The following TENM2 variants were observed in gnomAD, a reference collection of about 807,000 sequenced individuals.
The protein encoded by TENM2 is teneurin transmembrane protein 2.
TENM2 carries 52 observed loss-of-function variants against 245.2 expected under a neutral mutation model. That is an observed-to-expected ratio of 0.21 (90% CI 0.17 to 0.27). TENM2 has a LOEUF of 0.27. TENM2 is among the 10% of genes least tolerant of loss of function. The probability of loss-of-function intolerance (pLI) is 1.00; values close to 1 mark genes in which losing one functional copy is unlikely to be tolerated. For missense variants in TENM2, 3,046 were observed against 3,666.8 expected, an observed-to-expected ratio of 0.83 and a Z score of 4.37; for synonymous variants, 1,363 against 1,438.9, an observed-to-expected ratio of 0.95 and a Z score of 1.19.
intron 26 of TENM2, among the ~76,000 whole-genome samples, chr5:168,245,767 A>G (rs1206514628): frequency 2.0e-5 from 3 of 152,050 alleles, no homozygotes; most frequent in Admixed American, 6.5e-5. Flanking sequence ...CCCCTCTGCA[A>G]GACAGAACTG....
chr5:168,015,620 G>A (rs568342590), intron 5 of TENM2, among the ~76,000 whole-genome samples: 16 of 152,324 alleles, frequency 1.1e-4, no homozygotes, highest in African/African-American at 2.2e-4. Flanking sequence ...CTCAAATGGC[G>A]TCTCCCCAGT....
intron 2 of TENM2, among the ~76,000 whole-genome samples, chr5:167,396,706 G>A (rs1762074089): frequency 6.6e-6 from 1 of 152,194 alleles, no homozygotes; most frequent in South Asian, 2.1e-4. Context: ...GGAAAGTAGT[G>A]TCCTTAGGAA....
chr5:167,801,112 ATATATATATATATATATATATATATAT>A (rs1765720414), intron 2 of TENM2, among the ~76,000 whole-genome samples: 4 of 51,030 alleles, frequency 7.8e-5, no homozygotes, highest in Non-Finnish European at 9.9e-5. Flanking sequence ...AAAAAAAAAT[ATATATATATATATATATATATATATAT>A]ATATATATAT....
chr5:167,015,050 T>G, the TENM2 span, among the ~76,000 whole-genome samples: 1 of 152,358 alleles, frequency 6.6e-6, no homozygotes, highest in South Asian at 2.1e-4. Flanking sequence ...GGGTGCAGTT[T>G]ACTGTTTATA....
intron 2 of TENM2, among the ~76,000 whole-genome samples, chr5:167,418,173 T>C (rs1323725890): frequency 6.6e-6 from 1 of 151,864 alleles, no homozygotes; most frequent in Admixed American, 6.6e-5. Flanking sequence ...CTAATAAAAA[T>C]ACAAAATTAG....
At chr5:167,574,681 A>T (rs139824996) in intron 2 of TENM2, among the ~76,000 whole-genome samples, 1 of 152,190 alleles carries the variant, frequency 6.6e-6, no homozygotes, top group Admixed American at 6.5e-5. Context: ...GAATTATGAC[A>T]GTTTGAAATG....
intron 2 of TENM2, among the ~76,000 whole-genome samples, chr5:167,843,154 G>C (rs1769706725): frequency 6.6e-6 from 1 of 152,154 alleles, no homozygotes; most frequent in African/African-American, 2.4e-5. Flanking sequence ...TTTAATGGAA[G>C]AGTGACTGCA....
At chr5:168,158,190 G>GT (rs1439439658) in intron 12 of TENM2, among the ~76,000 whole-genome samples, 1 of 151,980 alleles carries the variant, frequency 6.6e-6, no homozygotes, top group Non-Finnish European at 1.5e-5. Context: ...CCCAAAGTGG[G>GT]TTTTTTTAAA....
intron 2 of TENM2, among the ~76,000 whole-genome samples, chr5:167,771,601 G>C (rs959482415): frequency 9.9e-5 from 15 of 151,848 alleles, no homozygotes; most frequent in Non-Finnish European, 1.8e-4. Context: ...CTAAAATTTT[G>C]TTGGGCAGTT....
intron 2 of TENM2, among the ~76,000 whole-genome samples, chr5:167,635,803 C>A (rs1228929084): frequency 6.6e-6 from 1 of 151,654 alleles, no homozygotes; most frequent in Non-Finnish European, 1.5e-5. Flanking sequence ...TGCCACCACG[C>A]CCAGCTAATT....
chr5:167,941,540 T>C (rs1779178421), intron 3 of TENM2, among the ~76,000 whole-genome samples: 1 of 152,140 alleles, frequency 6.6e-6, no homozygotes, highest in African/African-American at 2.4e-5. Context: ...AGAAAGTTTT[T>C]CAAGTCATTG....
At chr5:167,564,340 T>A (rs1373581518) in intron 2 of TENM2, among the ~76,000 whole-genome samples, 2 of 151,768 alleles carry the variant, frequency 1.3e-5, no homozygotes, top group African/African-American at 4.8e-5. Context: ...AAGAGAAAAG[T>A]GAGGGAGAGA....
intron 25 of TENM2, among the ~76,000 whole-genome samples, chr5:168,239,628 G>T (rs1339856374): frequency 6.6e-6 from 1 of 152,094 alleles, no homozygotes; most frequent in Non-Finnish European, 1.5e-5. Flanking sequence ...TAGCTTATGA[G>T]ACCAGGAATG....
At chr5:166,987,509 A>T in the TENM2 span, among the ~76,000 whole-genome samples, 1 of 146,648 alleles carries the variant, frequency 6.8e-6, no homozygotes, top group South Asian at 2.3e-4. Flanking sequence ...GAGATCAAGG[A>T]TATAACTTCT....
At chr5:167,226,879 A>G in the TENM2 span, among the ~76,000 whole-genome samples, 3 of 151,924 alleles carry the variant, frequency 2.0e-5, no homozygotes, top group Non-Finnish European at 4.4e-5. Flanking sequence ...GGGTGCATAA[A>G]CATTTAGGAT....
chr5:167,769,514 CA>C (rs1763260772), intron 2 of TENM2, among the ~76,000 whole-genome samples: 1 of 152,162 alleles, frequency 6.6e-6, no homozygotes, highest in African/African-American at 2.4e-5. Flanking sequence ...CTTACTATGG[CA>C]GTTTTGTTTT....
At chr5:167,659,001 AT>A (rs1174004933) in intron 2 of TENM2, among the ~76,000 whole-genome samples, 1 of 152,224 alleles carries the variant, frequency 6.6e-6, no homozygotes, top group Admixed American at 6.5e-5. Context: ...ACAGGCAAAC[AT>A]TACACTCTTT....
chr5:167,255,739 C>G, the TENM2 span, among the ~76,000 whole-genome samples: 1 of 152,040 alleles, frequency 6.6e-6, no homozygotes. Flanking sequence ...ATAAAATCCT[C>G]AAATAGAAAA....
At chr5:167,126,126 CAT>C in the TENM2 span, among the ~76,000 whole-genome samples, 1 of 152,100 alleles carries the variant, frequency 6.6e-6, no homozygotes, top group African/African-American at 2.4e-5. Context: ...CTCAAAATGT[CAT>C]ACAGATATTC....
Sources: allele counts gnomAD v4.1 joint callset (sites outside exome capture counted in the v4.1 genomes callset), GRCh38; gene constraint gnomAD v4.1.1; transcripts MANE v1.5; gene names NCBI Gene and HGNC (gene_info 2026-07-23, HGNC 2026-07-21).